The following OLA1 variants were observed in gnomAD, a reference collection of about 807,000 sequenced individuals.
OLA1 encodes the protein obg-like ATPase 1.
OLA1 carries 14 observed loss-of-function variants against 48.4 expected under a neutral mutation model. The observed-to-expected ratio is 0.29, with a 90% CI of 0.19 to 0.45. The LOEUF is 0.45. Among genes scored for constraint, OLA1 ranks in the 20% least tolerant of loss-of-function variants. The pLI is 1.00. For missense variants in OLA1, 325 were observed against 467.1 expected (o/e 0.70, Z 2.80); for synonymous variants, 127 against 150.4 (o/e 0.84, Z 1.14).
intron 3 of OLA1, among the ~76,000 whole-genome samples, chr2:174,227,963 G>A (rs1054854310): frequency 3.3e-5 from 5 of 152,224 alleles, no homozygotes; most frequent in South Asian, 2.1e-4. Context: ...GATACGGGGT[G>A]AGGGGAGAGA....
rs557367956 is a variant in OLA1 at position 174,203,623 on chromosome 2, C to T, written c.373+19410G>A. 6.6e-5 allele frequency among the ~76,000 whole-genome samples: 10 copies of T among 151,614 alleles called. No homozygotes were observed. In the East Asian group the frequency reaches 1.6e-3, roughly 24 times the overall value. On this transcript the variant is annotated intron_variant, in intron 4 of 10. Coordinates refer to ENST00000284719, the MANE Select transcript of OLA1 (RefSeq NM_013341.5). ...GTCTCTATCAGCTTTAGAAACAGTT[C>T]TATTCTCGGGACTTCTCCAGCTGTT...
At chr2:174,121,035 A>G (rs1017876128) in intron 7 of OLA1, among the ~76,000 whole-genome samples, 4 of 152,254 alleles carry the variant, frequency 2.6e-5, no homozygotes, top group African/African-American at 7.2e-5. Flanking sequence ...ACATTACCAA[A>G]AAACAAGATG....
At chr2:174,194,868 G>A (rs775353950) in intron 4 of OLA1, among the ~76,000 whole-genome samples, 1 of 152,094 alleles carries the variant, frequency 6.6e-6, no homozygotes, top group Non-Finnish European at 1.5e-5. Flanking sequence ...ACAACTCTAT[G>A]TCATCATCCT....
rs143607208 is a variant in OLA1, at chr2:174,242,891, C to T, written c.101+3824G>A. ...CAGTACAGAACTAGAAACCAAATCT[C>T]CATATTCTTTCTACTTCATTAAAAG... On this transcript the variant is annotated intron_variant, in intron 2 of 10. Transcript: ENST00000284719. 6.0e-4 allele frequency among the ~76,000 whole-genome samples: 92 copies of T among 152,312 alleles called. 1 individual carries two copies. The East Asian group carries it at 0.017, about 28-fold the overall frequency.
intron 7 of OLA1, among the ~76,000 whole-genome samples, chr2:174,086,742 G>T (rs548827458): frequency 6.6e-6 from 1 of 152,302 alleles, no homozygotes; most frequent in South Asian, 2.1e-4. Context: ...ACATTCGGGG[G>T]TGGTGGTTCA....
chr2:174,126,695 G>A (rs1686052394), intron 5 of OLA1, among the ~76,000 whole-genome samples: 1 of 152,184 alleles, frequency 6.6e-6, no homozygotes, highest in Non-Finnish European at 1.5e-5. Flanking sequence ...AAAAGAGATA[G>A]TGCATATAGT....
intron 7 of OLA1, among the ~76,000 whole-genome samples, chr2:174,094,662 T>C (rs1336508852): frequency 6.6e-6 from 1 of 152,180 alleles, no homozygotes; most frequent in East Asian, 1.9e-4. Context: ...AAAATTGGGG[T>C]AAAGAACACT....
intron 2 of OLA1, among the ~76,000 whole-genome samples, chr2:174,236,836 T>C (rs1688862118): frequency 6.6e-6 from 1 of 151,934 alleles, no homozygotes; most frequent in Non-Finnish European, 1.5e-5. Flanking sequence ...AAAAGTGAAA[T>C]AGGACGCTTA....
intron 3 of OLA1, 68 bp from the exon 4 acceptor site, chr2:174,223,228 T>G: frequency 1.4e-6 from 2 of 1,387,680 alleles, no homozygotes; most frequent in Non-Finnish European, 2.0e-6. Flanking sequence ...AAATGAATTC[T>G]CCAAACATTT....
At chr2:174,148,648 C>A (rs34491829) in intron 4 of OLA1, among the ~76,000 whole-genome samples, 19,662 of 152,102 alleles carry the variant, frequency 0.13, 1,467 homozygotes, top group East Asian at 0.21. Flanking sequence ...ATTTCTAGTG[C>A]TTTCTAGTTC....
intron 5 of OLA1, among the ~76,000 whole-genome samples, chr2:174,134,086 T>G (rs1686245388): frequency 6.6e-6 from 1 of 152,262 alleles, no homozygotes; most frequent in African/African-American, 2.4e-5. Context: ...TTGAGGCTCA[T>G]GCACATTGTA....
At chr2:174,121,728 G>A (rs1219405121) in intron 7 of OLA1, among the ~76,000 whole-genome samples, 3 of 152,110 alleles carry the variant, frequency 2.0e-5, no homozygotes, top group Non-Finnish European at 1.5e-5. Flanking sequence ...GGTGTCTGGC[G>A]ACAGCTAAAT....
intron 2 of OLA1, among the ~76,000 whole-genome samples, chr2:174,239,714 C>CAAAAAAAAAAA (rs35332033): frequency 3.3e-5 from 2 of 60,630 alleles, no homozygotes; most frequent in Admixed American, 2.1e-4. Flanking sequence ...CCCATCTCTA[C>CAAAAAAAAAAA]AAAAAAAAAA....
At chr2:174,110,302 A>ATTTTTTTT (rs575026912) in intron 7 of OLA1, among the ~76,000 whole-genome samples, 38 of 113,858 alleles carry the variant, frequency 3.3e-4, no homozygotes, top group Non-Finnish European at 4.6e-4. Context: ...CCATGCTTGG[A>ATTTTTTTT]TTTTTTTTTT....
At chr2:174,078,680 A>G (rs895163259) in intron 10 of OLA1, among the ~76,000 whole-genome samples, 3 of 151,924 alleles carry the variant, frequency 2.0e-5, no homozygotes, top group African/African-American at 7.2e-5. Flanking sequence ...GAGTGAACAA[A>G]TTCTTCGAAA....
rs115312234 is a variant in OLA1, at chr2:174,226,794, C to T, written c.245+2514G>A. On this transcript the variant is annotated intron_variant, in intron 3 of 10. Transcript: ENST00000284719. Reference sequence around the variant, plus strand: ...GATCACAGGCTTGAGCCACTGCACACGGCCTTATTAATGTTCTTCAATAGA... The same window carrying T: ...GATCACAGGCTTGAGCCACTGCACATGGCCTTATTAATGTTCTTCAATAGA... 8.9e-3 allele frequency among the ~76,000 whole-genome samples: 1,348 copies of T among 152,228 alleles called. 26 individuals carry two copies. The highest frequency in any genetic ancestry group is 0.03 in the African/African-American group (1,249 of 41,542).
intron 4 of OLA1, among the ~76,000 whole-genome samples, chr2:174,206,120 A>ATT (rs1178311662): frequency 1.3e-5 from 2 of 152,232 alleles, no homozygotes; most frequent in Non-Finnish European, 2.9e-5. Flanking sequence ...TGCTCAACTG[A>ATT]TTTCATTCAT....
intron 2 of OLA1, among the ~76,000 whole-genome samples, chr2:174,238,803 G>A (rs898138728): frequency 6.6e-6 from 1 of 152,032 alleles, no homozygotes; most frequent in African/African-American, 2.4e-5. Flanking sequence ...ATAACATATT[G>A]TACTGAAATA....
intron 5 of OLA1, among the ~76,000 whole-genome samples, chr2:174,132,220 T>C (rs1004914791): frequency 2.6e-5 from 4 of 152,144 alleles, no homozygotes; most frequent in Non-Finnish European, 5.9e-5. Flanking sequence ...TTCATAATGC[T>C]AGTTTCGCTT....
Sources: allele counts gnomAD v4.1 joint callset (sites outside exome capture counted in the v4.1 genomes callset), GRCh38; gene constraint gnomAD v4.1.1; transcripts MANE v1.5; gene names NCBI Gene and HGNC (gene_info 2026-07-23, HGNC 2026-07-21).